UBE2L6: variants seen among roughly 807,000 people sequenced by gnomAD.
The protein encoded by UBE2L6 is ubiquitin/ISG15-conjugating enzyme E2 L6.
UBE2L6 carries 11 observed loss-of-function variants against 13.6 expected under a neutral mutation model. The ratio of observed to expected loss-of-function variants is 0.81; its 90% confidence interval spans 0.51 to 1.34. The LOEUF (loss-of-function observed/expected upper bound fraction) is 1.34. Ranked by LOEUF, UBE2L6 falls within the 40% of genes most tolerant of loss-of-function variation. The pLI is 0.00. For missense variants in UBE2L6, 197 were observed against 199.5 expected, an observed-to-expected ratio of 0.99 and a Z score of 0.07; for synonymous variants, 74 against 83.2, an observed-to-expected ratio of 0.89 and a Z score of 0.60.
At chr11:57,560,980 G>A (rs182245806) in intron 1 of UBE2L6, among the ~76,000 whole-genome samples, 84 of 152,150 alleles carry the variant, frequency 5.5e-4, no homozygotes, top group Non-Finnish European at 1.0e-3. Flanking sequence ...GGTACACCTA[G>A]GTACTAGGTG....
intron 2 of UBE2L6, among the ~76,000 whole-genome samples, chr11:57,556,442 G>C (rs1185367483): frequency 6.6e-6 from 1 of 151,846 alleles, no homozygotes; most frequent in African/African-American, 2.4e-5. Context: ...AAATTAGCCG[G>C]GTGTGGTGGT....
chr11:57,563,192 C>T (rs991778162), intron 1 of UBE2L6, among the ~76,000 whole-genome samples: 6 of 151,712 alleles, frequency 4.0e-5, no homozygotes, highest in South Asian at 4.2e-4. Context: ...ATTCCGGAGT[C>T]GAAAAATGCA....
chr11:57,557,764 C>T (rs556943917), intron 2 of UBE2L6, among the ~76,000 whole-genome samples: 10 of 152,270 alleles, frequency 6.6e-5, no homozygotes, highest in South Asian at 2.1e-4. Context: ...TACTCAGCCT[C>T]GGGTATTCCT....
upstream of UBE2L6, chr11:57,567,676 G>A: frequency 6.5e-7 from 1 of 1,543,040 alleles, no homozygotes; most frequent in South Asian, 1.2e-5. Flanking sequence ...GCGACACAGC[G>A]CGCCCCGCCC....
intron 1 of UBE2L6, among the ~76,000 whole-genome samples, chr11:57,565,242 T>TAAGG (rs896954875): frequency 4.0e-5 from 6 of 148,552 alleles, no homozygotes; most frequent in Admixed American, 1.4e-4. Flanking sequence ...AACTCCATCT[T>TAAGG]AAGGAAGGAA....
At chr11:57,561,227 G>A (rs1945043917) in intron 1 of UBE2L6, among the ~76,000 whole-genome samples, 1 of 152,114 alleles carries the variant, frequency 6.6e-6, no homozygotes. Context: ...GGCTGGAGAA[G>A]GGAAATGACT....
At chr11:57,567,809 C>G (rs1945106234), upstream of UBE2L6, 9 of 535,934 alleles carry the variant, frequency 1.7e-5, no homozygotes, top group South Asian at 2.4e-4. Context: ...GCCGGACAAC[C>G]GCCCGATCCC....
chr11:57,560,466 T>C (rs372976385), intron 1 of UBE2L6, 34 bp from the exon 2 acceptor site: 10 of 1,517,312 alleles, frequency 6.6e-6, no homozygotes, highest in Non-Finnish European at 8.2e-6. Flanking sequence ...GCAGTTGGCC[T>C]AGTCCTCCTT....
chr11:57,557,412 T>TTAA (rs1945006903), intron 2 of UBE2L6, among the ~76,000 whole-genome samples: 1 of 150,468 alleles, frequency 6.6e-6, no homozygotes, highest in African/African-American at 2.4e-5. Context: ...TTTTTTTTTT[T>TTAA]GAGATGGAGT....
Position 57,552,146 on chromosome 11 carries a change from C to G in UBE2L6, c.*212G>C. 1 of 651,218 alleles carries G rather than the reference C, an allele frequency of 1.5e-6. No individual in the cohort carries two copies. The allele number at this position is 651,218 out of a possible 1,614,324, so 40.3% of individuals were successfully genotyped here. ...TGTAAAGGGTGTGGGAAGGGTGCAC[C>G]TGTGGCCAGGTGAACCTGGGAGTGA... On this transcript the variant is annotated 3_prime_UTR_variant, in exon 4 of 4. Coordinates refer to ENST00000287156, the MANE Select transcript of UBE2L6 (RefSeq NM_004223.5).
At chr11:57,566,811 C>T (rs1309117952) in intron 1 of UBE2L6, among the ~76,000 whole-genome samples, 1 of 152,120 alleles carries the variant, frequency 6.6e-6, no homozygotes, top group Non-Finnish European at 1.5e-5. Context: ...CCTCCCTAAT[C>T]CATCTCCAAA....
intron 2 of UBE2L6, among the ~76,000 whole-genome samples, chr11:57,557,226 A>C (rs1221671029): frequency 6.6e-6 from 1 of 152,054 alleles, no homozygotes; most frequent in African/African-American, 2.4e-5. Context: ...TTCTTACTCT[A>C]TTACTTACTG....
upstream of UBE2L6, chr11:57,567,677 C>A: frequency 6.6e-7 from 1 of 1,524,312 alleles, no homozygotes; most frequent in South Asian, 1.2e-5. Context: ...CGACACAGCG[C>A]GCCCCGCCCC....
rs764275833 is a variant in UBE2L6 at position 57,554,506 on chromosome 11, C to T, written c.241G>A (p.Glu81Lys). The T allele has an allele frequency of 1.1e-5, 17 of 1,614,046 alleles. No individual in the cohort carries two copies. The highest frequency in any genetic ancestry group is 3.3e-5 in the South Asian group (3 of 91,088). ...TTKIYHPNVD[E>K]NGQICLPIIS... The stretch of plus-strand genomic sequence containing the variant: ...ATGGGCAGGCAAATCTGTCCGTTCT[C>T]GTCCACGTTGGGGTGGTAGATCTTG... Residue 81 changes from glutamate to lysine, a missense_variant, in exon 3 of 4, where the codon GAG (glutamate) becomes AAG (lysine). Transcript: ENST00000287156.
At position 57,554,558 on chromosome 11, in the gene UBE2L6, G is replaced by A; in HGVS notation, c.189C>T (p.Phe63=). ...TTGTGAATTTGATCATGGGAGGCTT[G>A]AACGGATACTCCGGCGGGAAGCTGA... The part of the protein sequence containing the change: ...LRISFPPEYP[F]KPPMIKFTTK... Residue 63 remains phenylalanine, a synonymous_variant, in exon 3 of 4, where the codon TTC becomes TTT. Coordinates refer to ENST00000287156, the MANE Select transcript of UBE2L6 (RefSeq NM_004223.5). The A allele has an allele frequency of 6.2e-7, 1 of 1,614,178 alleles. No individual in the cohort carries two copies. The highest frequency in any genetic ancestry group is 8.5e-7 in the Non-Finnish European group (1 of 1,180,038).
chr11:57,563,779 G>A (rs1162117108), intron 1 of UBE2L6, among the ~76,000 whole-genome samples: 1 of 151,520 alleles, frequency 6.6e-6, no homozygotes, highest in Non-Finnish European at 1.5e-5. Flanking sequence ...GTGGGCGCCT[G>A]TAGTCCCAGC....
intron 2 of UBE2L6, among the ~76,000 whole-genome samples, chr11:57,555,449 A>G (rs1319361985): frequency 6.6e-6 from 1 of 152,236 alleles, no homozygotes; most frequent in Non-Finnish European, 1.5e-5. Flanking sequence ...CATAGAAACA[A>G]AATACAAAAG....
intron 1 of UBE2L6, chr11:57,567,135 T>C: frequency 4.3e-6 from 2 of 460,408 alleles, no homozygotes; most frequent in South Asian, 3.1e-5. Context: ...ACTCTAGTAA[T>C]ACAGGCATCA....
At chr11:57,567,933 G>A (rs1267643298), upstream of UBE2L6, 1 of 326,642 alleles carries the variant, frequency 3.1e-6, no homozygotes. Flanking sequence ...GTGCACCGGC[G>A]GCGAGCGCTC....
Sources: allele counts gnomAD v4.1 joint callset (sites outside exome capture counted in the v4.1 genomes callset), GRCh38; gene constraint gnomAD v4.1.1; transcripts MANE v1.5; gene names NCBI Gene and HGNC (gene_info 2026-07-23, HGNC 2026-07-21).